MTHFD2L: variants seen among roughly 807,000 people sequenced by gnomAD.
MTHFD2L encodes the protein bifunctional methylenetetrahydrofolate dehydrogenase/cyclohydrolase 2, mitochondrial.
MTHFD2L carries 29 observed loss-of-function variants against 34.9 expected under a neutral mutation model. The observed-to-expected ratio is 0.83, with a 90% CI of 0.62 to 1.13. The LOEUF (loss-of-function observed/expected upper bound fraction) is 1.13, where lower values mean the gene tolerates loss of function less well. Among genes scored for constraint, MTHFD2L ranks in the 50% most tolerant of loss-of-function variants. The pLI is 0.00. For synonymous variants in MTHFD2L, 167 were observed against 155.7 expected (o/e 1.07, Z -0.54); for missense variants, 481 against 446.5 (o/e 1.08, Z -0.70).
At chr4:74,169,669 G>A (rs544185032) in intron 1 of MTHFD2L, among the ~76,000 whole-genome samples, 2 of 152,204 alleles carry the variant, frequency 1.3e-5, no homozygotes, top group South Asian at 2.1e-4. Flanking sequence ...CTATAAATGA[G>A]TTGTGCTGGA....
intron 2 of MTHFD2L, among the ~76,000 whole-genome samples, chr4:74,117,116 T>C (rs1296258370): frequency 6.6e-6 from 1 of 152,200 alleles, no homozygotes; most frequent in African/African-American, 2.4e-5. Context: ...TAAAGGGAGA[T>C]TCTGAAGTCC....
At chr4:74,297,122 G>A (rs1749727298) in intron 7 of MTHFD2L, among the ~76,000 whole-genome samples, 1 of 152,030 alleles carries the variant, frequency 6.6e-6, no homozygotes, top group Admixed American at 6.6e-5. Context: ...TTACTTTGCA[G>A]AGTCTAAAGT....
chr4:74,164,490 GTGCTGAAGACTTTC>G (rs1487494067), intron 1 of MTHFD2L, among the ~76,000 whole-genome samples: 12 of 152,296 alleles, frequency 7.9e-5, no homozygotes, highest in Admixed American at 2.0e-4. Flanking sequence ...ACAGCACTAA[GTGCTGAAGACTTTC>G]TGCTCTCATA....
At chr4:74,198,549 G>A (rs892473025) in intron 3 of MTHFD2L, among the ~76,000 whole-genome samples, 17 of 152,104 alleles carry the variant, frequency 1.1e-4, no homozygotes, top group Non-Finnish European at 1.9e-4. Context: ...TGAAGCTTCC[G>A]CGTGAGTGGT....
intron 5 of MTHFD2L, among the ~76,000 whole-genome samples, chr4:74,223,233 T>C (rs758968356): frequency 1.3e-5 from 2 of 151,610 alleles, no homozygotes; most frequent in South Asian, 2.1e-4. Flanking sequence ...TGTGTATATA[T>C]ACACACACAC....
At chr4:74,164,025 G>A (rs564480175) in intron 1 of MTHFD2L, among the ~76,000 whole-genome samples, 8 of 152,176 alleles carry the variant, frequency 5.3e-5, no homozygotes, top group Admixed American at 2.0e-4. Context: ...ACAGGCGCCC[G>A]CCACCACGCC....
At position 74,209,451 on chromosome 4, in the gene MTHFD2L, T is replaced by G. The variant is rs1004483465; in HGVS notation, c.712+8081T>G. On this transcript the variant is annotated intron_variant, in intron 5 of 7. Coordinates refer to ENST00000325278, the MANE Select transcript of MTHFD2L (RefSeq NM_001144978.3). ...TGAATGGGAACATGTGGTGTTTGGT[T>G]TTCCGTTCCTGTGTTAGTTTGCTGA... Among the ~76,000 whole-genome samples the G allele has an allele frequency of 2.6e-5, 4 of 152,190 alleles. No homozygotes were observed. The East Asian group carries it at 5.8e-4, about 22-fold the overall frequency.
chr4:74,289,953 A>G (rs1008494565), intron 7 of MTHFD2L, among the ~76,000 whole-genome samples: 1 of 152,196 alleles, frequency 6.6e-6, no homozygotes, highest in Admixed American at 6.5e-5. Context: ...CTTTCCTGGT[A>G]GAGGGAACAA....
chr4:74,260,288 A>G (rs1744519062), intron 6 of MTHFD2L, among the ~76,000 whole-genome samples: 1 of 152,120 alleles, frequency 6.6e-6, no homozygotes, highest in Non-Finnish European at 1.5e-5. Context: ...CCAGTTTTCT[A>G]CACTGTCAGC....
At chr4:74,163,756 A>G (rs745958073) in intron 1 of MTHFD2L, among the ~76,000 whole-genome samples, 3 of 152,232 alleles carry the variant, frequency 2.0e-5, no homozygotes, top group Non-Finnish European at 2.9e-5. Flanking sequence ...TCTATTGTAC[A>G]AACTCAAGAC....
intron 6 of MTHFD2L, among the ~76,000 whole-genome samples, chr4:74,255,205 A>G (rs1045735542): frequency 1.3e-5 from 2 of 151,020 alleles, no homozygotes; most frequent in South Asian, 2.1e-4. Context: ...GTAAATTGTG[A>G]CATCAGTAAC....
At chr4:74,192,680 A>T (rs1255114570) in intron 3 of MTHFD2L, among the ~76,000 whole-genome samples, 8 of 152,026 alleles carry the variant, frequency 5.3e-5, no homozygotes, top group Non-Finnish European at 1.5e-5. Context: ...TCAGGTAACC[A>T]CTGTTCTGAT....
intron 6 of MTHFD2L, among the ~76,000 whole-genome samples, chr4:74,230,774 C>G (rs536772048): frequency 6.6e-6 from 1 of 152,190 alleles, no homozygotes; most frequent in South Asian, 2.1e-4. Flanking sequence ...TAGCCAGTAT[C>G]AATTCTAAGA....
chr4:74,192,681 C>G (rs1341202193), intron 3 of MTHFD2L, among the ~76,000 whole-genome samples: 1 of 152,078 alleles, frequency 6.6e-6, no homozygotes, highest in Non-Finnish European at 1.5e-5. Flanking sequence ...CAGGTAACCA[C>G]TGTTCTGATT....
At chr4:74,271,130 A>G (rs1253213537) in intron 6 of MTHFD2L, among the ~76,000 whole-genome samples, 4 of 151,976 alleles carry the variant, frequency 2.6e-5, no homozygotes, top group Non-Finnish European at 5.9e-5. Flanking sequence ...TTGCCTGTTC[A>G]CTCTAATTGT....
At chr4:74,289,957 G>A (rs1388104879) in intron 7 of MTHFD2L, among the ~76,000 whole-genome samples, 1 of 152,000 alleles carries the variant, frequency 6.6e-6, no homozygotes, top group Non-Finnish European at 1.5e-5. Context: ...CCTGGTAGAG[G>A]GAACAAAGAA....
chr4:74,199,924 T>A lies in MTHFD2L; in HGVS notation c.582T>A (p.Val194=). ...TCATACCTGCCACTGCCAGTGCTGT[T>A]TGGGAAATAATAAAAAGAACAGGTT... ...HSLIPATASA[V]WEIIKRTGIQ... The change falls in exon 4 of 8, where the codon GTT becomes GTA. Residue 194 remains valine, a synonymous_variant. Coordinates refer to ENST00000325278, the MANE Select transcript of MTHFD2L (RefSeq NM_001144978.3). The A allele has an allele frequency of 1.2e-6, 2 of 1,613,940 alleles. No homozygotes were observed. Among genetic ancestry groups the A allele is most frequent in the African/African-American group, 2.7e-5 (2 of 75,012 alleles).
At chr4:74,237,512 G>C (rs1288121837) in intron 6 of MTHFD2L, among the ~76,000 whole-genome samples, 1 of 152,160 alleles carries the variant, frequency 6.6e-6, no homozygotes, top group Non-Finnish European at 1.5e-5. Context: ...AGCTGGGCGT[G>C]GTGGTGCACA....
Position 74,151,228 on chromosome 4 carries a change from C to T in MTHFD2L, c.-296-8827C>T, listed in dbSNP as rs578183772. Among the ~76,000 whole-genome samples, 3 of 152,240 alleles carry T rather than the reference C, an allele frequency of 2.0e-5. No individual in the cohort carries two copies. The East Asian group carries it at 5.8e-4, about 29-fold the overall frequency. On this transcript the variant is annotated intron_variant, in intron 1 of 7. Coordinates refer to the MTHFD2L transcript ENST00000433372. ...TATTAAAATATGAAACTGGTAGTCA[C>T]ATTAATTATCATGAAATAAAACTTG... is the stretch of plus-strand genomic sequence containing the variant.
Sources: allele counts gnomAD v4.1 joint callset (sites outside exome capture counted in the v4.1 genomes callset), GRCh38; gene constraint gnomAD v4.1.1; transcripts MANE v1.5; gene names NCBI Gene and HGNC (gene_info 2026-07-23, HGNC 2026-07-21).